Variants in SGCZ observed in about 807,000 individuals in gnomAD.
SGCZ encodes the protein sarcoglycan zeta.
A neutral mutation model predicts 41.3 loss-of-function variants in SGCZ; 40 were observed. That is an observed-to-expected ratio of 0.97 (90% CI 0.75 to 1.26). The LOEUF is 1.26. SGCZ is among the 50% of genes most tolerant of loss of function. SGCZ has a pLI of 0.00. For synonymous variants in SGCZ, 206 were observed against 137.5 expected (o/e 1.50, Z -3.49); for missense variants, 552 against 369.8 (o/e 1.49, Z -4.04).
intron 1 of SGCZ, among the ~76,000 whole-genome samples, chr8:15,196,440 A>C (rs996649679): frequency 6.6e-6 from 1 of 152,202 alleles, no homozygotes; most frequent in Non-Finnish European, 1.5e-5. Context: ...GAAAGCTAGA[A>C]TACATGAAAT....
intron 1 of SGCZ, among the ~76,000 whole-genome samples, chr8:14,578,431 G>C (rs1020271036): frequency 6.6e-6 from 1 of 152,118 alleles, no homozygotes; most frequent in Non-Finnish European, 1.5e-5. Flanking sequence ...CCCTGGGTTT[G>C]GTTCATGGCT....
chr8:15,168,506 G>C (rs1055583565), intron 1 of SGCZ, among the ~76,000 whole-genome samples: 11 of 152,274 alleles, frequency 7.2e-5, no homozygotes, highest in African/African-American at 2.6e-4. Flanking sequence ...AGCTGCTTTG[G>C]TACTCATGGC....
chr8:14,233,108 A>G (rs558218382), intron 4 of SGCZ, among the ~76,000 whole-genome samples: 2 of 152,118 alleles, frequency 1.3e-5, no homozygotes, highest in Admixed American at 1.3e-4. Context: ...AACACAAAAC[A>G]CAAAGCTAGC....
chr8:14,221,541 C>T (rs549057545), intron 4 of SGCZ, among the ~76,000 whole-genome samples: 2 of 152,254 alleles, frequency 1.3e-5, no homozygotes, highest in East Asian at 1.9e-4. Context: ...ATTGCAGTTT[C>T]GACATAACAG....
intron 2 of SGCZ, among the ~76,000 whole-genome samples, chr8:14,482,722 G>A (rs558812043): frequency 1.8e-4 from 28 of 152,150 alleles, no homozygotes; most frequent in African/African-American, 6.7e-4. Flanking sequence ...CATACAACCT[G>A]CTGAGGGCCC....
At chr8:14,547,892 T>G (rs185831142) in intron 2 of SGCZ, among the ~76,000 whole-genome samples, 2,398 of 152,308 alleles carry the variant, frequency 0.016, 57 homozygotes, top group African/African-American at 0.055. Flanking sequence ...CTTCACTTAT[T>G]TATTTGTTAA....
At chr8:14,126,263 G>T (rs948689120) in intron 5 of SGCZ, among the ~76,000 whole-genome samples, 5 of 151,950 alleles carry the variant, frequency 3.3e-5, no homozygotes, top group Non-Finnish European at 5.9e-5. Context: ...GAATTTACAA[G>T]GAACTTAAAC....
intron 1 of SGCZ, among the ~76,000 whole-genome samples, chr8:14,772,544 C>T (rs1475556513): frequency 6.6e-6 from 1 of 150,410 alleles, no homozygotes; most frequent in Non-Finnish European, 1.5e-5. Flanking sequence ...CATCATTTAG[C>T]ATTAGGTATA....
intron 1 of SGCZ, among the ~76,000 whole-genome samples, chr8:15,050,585 A>G (rs1280971858): frequency 6.6e-6 from 1 of 152,124 alleles, no homozygotes; most frequent in African/African-American, 2.4e-5. Context: ...TGAGTGTTAC[A>G]AGTAAGAGAA....
intron 1 of SGCZ, among the ~76,000 whole-genome samples, chr8:14,597,529 C>T (rs927105065): frequency 6.6e-6 from 1 of 152,100 alleles, no homozygotes; most frequent in African/African-American, 2.4e-5. Flanking sequence ...AGTGCAGTGG[C>T]AGGATCTTGG....
chr8:15,131,855 T>G (rs1043744638), intron 1 of SGCZ, among the ~76,000 whole-genome samples: 2 of 152,198 alleles, frequency 1.3e-5, no homozygotes, highest in Non-Finnish European at 2.9e-5. Context: ...AGGTGAAATG[T>G]GTTTCTCAGC....
intron 1 of SGCZ, among the ~76,000 whole-genome samples, chr8:15,210,572 T>G (rs1487190567): frequency 6.6e-6 from 1 of 152,126 alleles, no homozygotes; most frequent in East Asian, 1.9e-4. Flanking sequence ...ACAGCTGACT[T>G]TGTAACCACT....
chr8:14,216,510 A>G (rs1373881593), intron 4 of SGCZ, among the ~76,000 whole-genome samples: 1 of 152,188 alleles, frequency 6.6e-6, no homozygotes, highest in Non-Finnish European at 1.5e-5. Flanking sequence ...AGATGCAAAA[A>G]GTTTTCAACA....
At chr8:14,551,742 T>C (rs75569528) in intron 2 of SGCZ, among the ~76,000 whole-genome samples, 13,423 of 138,596 alleles carry the variant, frequency 0.097, 783 homozygotes, top group East Asian at 0.28. Flanking sequence ...TATAAAGTCA[T>C]TTCCTTTTTT....
chr8:14,638,272 A>G (rs1253991878), intron 1 of SGCZ, among the ~76,000 whole-genome samples: 1 of 151,832 alleles, frequency 6.6e-6, no homozygotes, highest in Non-Finnish European at 1.5e-5. Context: ...CCGTTGCTTC[A>G]TCAGTCATTA....
intron 5 of SGCZ, among the ~76,000 whole-genome samples, chr8:14,155,591 T>C (rs1380167879): frequency 6.6e-6 from 1 of 152,076 alleles, no homozygotes; most frequent in Non-Finnish European, 1.5e-5. Context: ...CTATGATTTC[T>C]TGTACATTTT....
chr8:14,702,273 C>A (rs908343214), intron 1 of SGCZ, among the ~76,000 whole-genome samples: 1 of 151,826 alleles, frequency 6.6e-6, no homozygotes, highest in African/African-American at 2.4e-5. Context: ...TTAATGCCTG[C>A]TTCTTCTCTC....
At chr8:14,774,879 A>C (rs995090733) in intron 1 of SGCZ, among the ~76,000 whole-genome samples, 3 of 152,138 alleles carry the variant, frequency 2.0e-5, no homozygotes, top group Non-Finnish European at 4.4e-5. Flanking sequence ...TTAAGTACTC[A>C]TTTAATTACC....
chr8:14,287,305 T>C (rs914562505), intron 3 of SGCZ, among the ~76,000 whole-genome samples: 1 of 151,924 alleles, frequency 6.6e-6, no homozygotes, highest in Non-Finnish European at 1.5e-5. Context: ...TTCAATGTCA[T>C]ACTGGGTGTT....
Sources: allele counts gnomAD v4.1 joint callset (sites outside exome capture counted in the v4.1 genomes callset), GRCh38; gene constraint gnomAD v4.1.1; transcripts MANE v1.5; gene names NCBI Gene and HGNC (gene_info 2026-07-23, HGNC 2026-07-21).